The following GALNT18 variants were observed in gnomAD, a reference collection of about 807,000 sequenced individuals.
The protein encoded by GALNT18 is polypeptide N-acetylgalactosaminyltransferase 18.
In GALNT18, 44 loss-of-function variants were observed where a neutral mutation model predicts 69.5. The observed-to-expected ratio is 0.63, with a 90% CI of 0.50 to 0.81. The LOEUF (loss-of-function observed/expected upper bound fraction) is 0.81. GALNT18 is among the 40% of genes least tolerant of loss of function. The probability of loss-of-function intolerance (pLI) is 0.00; values close to 1 mark genes in which losing one functional copy is unlikely to be tolerated. For missense variants in GALNT18, 715 were observed against 810.0 expected (o/e 0.88, Z 1.42); for synonymous variants, 364 against 318.2 (o/e 1.14, Z -1.53).
At chr11:11,501,065 C>T (rs1392239754) in intron 1 of GALNT18, among the ~76,000 whole-genome samples, 1 of 152,230 alleles carries the variant, frequency 6.6e-6, no homozygotes, top group Non-Finnish European at 1.5e-5. Context: ...GACGCCCTCT[C>T]GTTTCCACTC....
At chr11:11,394,624 C>T (rs1854279901) in intron 3 of GALNT18, among the ~76,000 whole-genome samples, 1 of 152,182 alleles carries the variant, frequency 6.6e-6, no homozygotes, top group African/African-American at 2.4e-5. Context: ...TGTTGTTTCC[C>T]CCCAAATAAC....
Position 11,564,730 on chromosome 11 carries a change from A to C in GALNT18, c.235+56629T>G, listed in dbSNP as rs751567377. 8.5e-5 allele frequency among the ~76,000 whole-genome samples: 13 copies of C among 152,216 alleles called. No individual in the cohort carries two copies. The highest frequency in any genetic ancestry group is 1.6e-4 in the Non-Finnish European group (11 of 68,040). ...CAACCCACACAGCACATTTGCCTAG[A>C]CTATCCCTGGTCAACCTTTACTCTA... On this transcript the variant is annotated intron_variant, in intron 1 of 10. Transcript: ENST00000227756. The surrounding 1 kb of genome is among the most constrained non-coding windows in gnomAD (Gnocchi z 4.3).
chr11:11,328,569 T>C (rs1424755622), intron 8 of GALNT18, among the ~76,000 whole-genome samples: 7 of 151,884 alleles, frequency 4.6e-5, no homozygotes, highest in Admixed American at 4.6e-4. Context: ...AGGAACAGAG[T>C]TGAATTCTTT....
chr11:11,376,717 T>A (rs1020750050), intron 5 of GALNT18, among the ~76,000 whole-genome samples: 2 of 152,186 alleles, frequency 1.3e-5, no homozygotes, highest in African/African-American at 4.8e-5. Context: ...ACTTTGCATA[T>A]GGGTGTCCAT....
chr11:11,603,390 G>A lies in GALNT18; in HGVS notation c.235+17969C>T, dbSNP rs1231056768. Among the ~76,000 whole-genome samples, 2 of 152,204 alleles carry A rather than the reference G, an allele frequency of 1.3e-5. No individual in the cohort carries two copies. Among genetic ancestry groups the A allele is most frequent in the Non-Finnish European group, 2.9e-5 (2 of 68,044 alleles). The stretch of plus-strand genomic sequence containing the variant: ...CTGTATGTATGTGGCCAAAGGGAGT[G>A]TGGCCTGCCAAAGGTGGGGGAATGT... On this transcript the variant is annotated intron_variant, in intron 1 of 10. Transcript: ENST00000227756. The surrounding 1 kb of genome is among the most constrained non-coding windows in gnomAD (Gnocchi z 4.5).
At chr11:11,464,854 A>AC (rs1247963747) in intron 1 of GALNT18, among the ~76,000 whole-genome samples, 2 of 152,138 alleles carry the variant, frequency 1.3e-5, no homozygotes, top group Non-Finnish European at 2.9e-5. Context: ...CATATTACCT[A>AC]CTTCCTTGTG....
intron 1 of GALNT18, among the ~76,000 whole-genome samples, chr11:11,535,258 G>A (rs957295142): frequency 3.3e-5 from 5 of 152,212 alleles, no homozygotes; most frequent in Non-Finnish European, 4.4e-5. Flanking sequence ...GGGTAAAAGC[G>A]TGAGATACTG....
intron 3 of GALNT18, among the ~76,000 whole-genome samples, chr11:11,394,010 G>A (rs1033281400): frequency 1.0e-4 from 15 of 148,480 alleles, no homozygotes; most frequent in African/African-American, 1.7e-4. Context: ...CGGTGGAGAC[G>A]GGGAGTAAGT....
intron 9 of GALNT18, among the ~76,000 whole-genome samples, chr11:11,321,251 C>G (rs1221345383): frequency 1.3e-5 from 2 of 152,164 alleles, no homozygotes; most frequent in Non-Finnish European, 2.9e-5. Context: ...TGAAACTCAT[C>G]AATGGTGAGA....
At chr11:11,367,095 C>T (rs1184231260) in intron 6 of GALNT18, among the ~76,000 whole-genome samples, 3 of 152,130 alleles carry the variant, frequency 2.0e-5, no homozygotes, top group Non-Finnish European at 4.4e-5. Context: ...TTCCTCCTGT[C>T]CTAGATGTAA....
chr11:11,300,273 G>A (rs114739301), intron 9 of GALNT18, among the ~76,000 whole-genome samples: 2,841 of 152,212 alleles, frequency 0.019, 86 homozygotes, highest in African/African-American at 0.065. Context: ...GACTCTCCCT[G>A]CTGAGCCTCC....
intron 9 of GALNT18, among the ~76,000 whole-genome samples, chr11:11,293,545 T>TC (rs1399886295): frequency 2.6e-4 from 37 of 142,434 alleles, no homozygotes; most frequent in African/African-American, 9.6e-4. Context: ...TTTTTTTTTT[T>TC]TTTTTTTTTT....
rs76834655 is a variant in GALNT18, at chr11:11,439,486, C to T, written c.429-6699G>A. The stretch of plus-strand genomic sequence containing the variant: ...ACCAATTCCCTTCCTGGGCTGGAGT[C>T]CAGTCCCCTGTGAGACTCTCACAGA... On this transcript the variant is annotated intron_variant, in intron 2 of 10. Coordinates refer to ENST00000227756, the MANE Select transcript of GALNT18 (RefSeq NM_198516.3). The surrounding 1 kb of genome is among the most constrained non-coding windows in gnomAD (Gnocchi z 4.4). Among the ~76,000 whole-genome samples the T allele has an allele frequency of 9.3e-3, 1,413 of 152,328 alleles. 22 individuals are homozygous for T. Among genetic ancestry groups the T allele is most frequent in the African/African-American group, 0.031 (1,285 of 41,572 alleles).
Position 11,596,224 on chromosome 11 carries a change from A to G in GALNT18, c.235+25135T>C, listed in dbSNP as rs916563958. Among the ~76,000 whole-genome samples, 1 of 152,168 alleles carries G rather than the reference A, an allele frequency of 6.6e-6. No homozygotes were observed. Among genetic ancestry groups the G allele is most frequent in the African/African-American group, 2.4e-5 (1 of 41,446 alleles). On this transcript the variant is annotated intron_variant, in intron 1 of 10. Transcript: ENST00000227756. This position sits in a 1 kb window ranked among gnomAD's most constrained non-coding sequence, Gnocchi z 4.2. ...TTAAGCACTTAATTCTGGACTGTCA[A>G]TTCTATTCTGTTGATCAGTGTGTCT...
intron 1 of GALNT18, among the ~76,000 whole-genome samples, chr11:11,482,411 G>C (rs562140570): frequency 1.1e-4 from 16 of 152,264 alleles, no homozygotes; most frequent in Non-Finnish European, 2.2e-4. Context: ...AAGGGAATGA[G>C]GCCTCTGGGC....
rs1407893109 is a variant in GALNT18, at chr11:11,404,759, T to A, written c.596-25495A>T. 6.6e-6 allele frequency among the ~76,000 whole-genome samples: 1 copy of A among 152,056 alleles called. No homozygotes were observed. Among genetic ancestry groups the A allele is most frequent in the African/African-American group, 2.4e-5 (1 of 41,406 alleles). On this transcript the variant is annotated intron_variant, in intron 3 of 10. Coordinates refer to ENST00000227756, the MANE Select transcript of GALNT18 (RefSeq NM_198516.3). The surrounding 1 kb of genome is among the most constrained non-coding windows in gnomAD (Gnocchi z 4.5). ...TTTTGACCTCAACCTTCCTCCCGGC[T>A]CCAGCCCCGCACAGACCCTGACCAT...
At position 11,555,722 on chromosome 11, in the gene GALNT18, G is replaced by A. The variant is rs1017726540; in HGVS notation, c.235+65637C>T. On this transcript the variant is annotated intron_variant, in intron 1 of 10. Transcript: ENST00000227756. This position sits in a 1 kb window ranked among gnomAD's most constrained non-coding sequence, Gnocchi z 4.7. Reference sequence around the variant, plus strand: ...GTAATGGTCAAGCCTTCCTGCAAGGGTGCACCTCCCTCAGCCAGAACCTCC... The same window carrying A: ...GTAATGGTCAAGCCTTCCTGCAAGGATGCACCTCCCTCAGCCAGAACCTCC... Among the ~76,000 whole-genome samples, 2 of 152,154 alleles carry A rather than the reference G, an allele frequency of 1.3e-5. No homozygotes were observed. The highest frequency in any genetic ancestry group is 4.8e-5 in the African/African-American group (2 of 41,434).
chr11:11,296,218 T>C (rs369744247), intron 9 of GALNT18, among the ~76,000 whole-genome samples: 1 of 152,272 alleles, frequency 6.6e-6, no homozygotes, highest in East Asian at 1.9e-4. Flanking sequence ...CAGGAAACAA[T>C]GACCCCAATC....
chr11:11,494,423 G>A lies in GALNT18; in HGVS notation c.236-45487C>T, dbSNP rs1456933933. Among the ~76,000 whole-genome samples, 1 of 152,170 alleles carries A rather than the reference G, an allele frequency of 6.6e-6. No individual in the cohort carries two copies. Among genetic ancestry groups the A allele is most frequent in the Non-Finnish European group, 1.5e-5 (1 of 68,024 alleles). Reference sequence around the variant, plus strand: ...ATGACAACCTACTTCAAGGGGCCATGCCCAGGACTGCCACATCCAAGAGGT... The same window carrying A: ...ATGACAACCTACTTCAAGGGGCCATACCCAGGACTGCCACATCCAAGAGGT... On this transcript the variant is annotated intron_variant, in intron 1 of 10. Transcript: ENST00000227756. This position sits in a 1 kb window ranked among gnomAD's most constrained non-coding sequence, Gnocchi z 5.7.
Sources: gnomAD v4.1 joint callset for allele counts (sites outside exome capture counted in the v4.1 genomes callset) on GRCh38, gnomAD v4.1.1 for gene constraint, Gnocchi (gnomAD v3.1) non-coding constraint, MANE v1.5 for transcripts, NCBI Gene and HGNC (gene_info 2026-07-23, HGNC 2026-07-21) for gene names.